The following BRDT variants were observed in gnomAD, a reference collection of about 807,000 sequenced individuals.
BRDT encodes bromodomain testis associated.
BRDT carries 77 observed loss-of-function variants against 113.9 expected under a neutral mutation model. The observed-to-expected ratio is 0.68, with a 90% CI of 0.56 to 0.82. The LOEUF is 0.82. Ranked by LOEUF, BRDT falls within the 40% of genes least tolerant of loss-of-function variation. The probability of loss-of-function intolerance (pLI) is 0.00; values close to 1 mark genes in which losing one functional copy is unlikely to be tolerated. For missense variants in BRDT, 1,027 were observed against 1,105.4 expected (o/e 0.93, Z 1.01); for synonymous variants, 358 against 366.5 (o/e 0.98, Z 0.26).
chr1:92,009,859 CTG>C (rs1248683133), intron 18 of BRDT, among the ~76,000 whole-genome samples: 1 of 152,118 alleles, frequency 6.6e-6, no homozygotes, highest in African/African-American at 2.4e-5. Context: ...GTGTGAGCCA[CTG>C]TGCCTGGCCC....
intron 12 of BRDT, among the ~76,000 whole-genome samples, chr1:91,985,754 TCA>T (rs1200499735): frequency 6.8e-6 from 1 of 147,422 alleles, no homozygotes; most frequent in African/African-American, 2.5e-5. Flanking sequence ...TTCTCCTGCC[TCA>T]GCCTGCCGAG....
intron 1 of BRDT, among the ~76,000 whole-genome samples, chr1:91,959,492 C>G (rs1228243425): frequency 6.8e-6 from 1 of 146,426 alleles, no homozygotes; most frequent in Non-Finnish European, 1.5e-5. Flanking sequence ...CTCCTGAGCT[C>G]TTTTTTGAGA....
chr1:91,988,883 A>G (rs1410350921), intron 12 of BRDT, among the ~76,000 whole-genome samples: 1 of 152,256 alleles, frequency 6.6e-6, no homozygotes, highest in African/African-American at 2.4e-5. Flanking sequence ...CAATTATGTA[A>G]GATTAGAATG....
At position 91,981,072 on chromosome 1, in the gene BRDT, T is replaced by C. The variant is rs1684676023; in HGVS notation, c.1644T>C (p.Asn548=). Reference sequence around the variant, plus strand: ...GAGAGCCTTCTCTGAGCAATTCCAATCCTGATGAGATAGAGATAGACTTTG... The same window carrying C: ...GAGAGCCTTCTCTGAGCAATTCCAACCCTGATGAGATAGAGATAGACTTTG... The part of the protein sequence containing the change: ...QSREPSLSNS[N]PDEIEIDFET... The change falls in exon 10 of 19, where the codon AAT becomes AAC. Residue 548 remains asparagine (N), a synonymous_variant. Transcript: ENST00000399546. 6.2e-7 allele frequency: 1 copy of C among 1,614,018 alleles called. No homozygotes were observed. Among genetic ancestry groups the C allele is most frequent in the East Asian group, 2.2e-5 (1 of 44,846 alleles).
At chr1:91,986,287 CTAAT>C (rs1685233421) in intron 12 of BRDT, among the ~76,000 whole-genome samples, 1 of 151,906 alleles carries the variant, frequency 6.6e-6, no homozygotes, top group Non-Finnish European at 1.5e-5. Context: ...AGCAATATAA[CTAAT>C]AGCTTTAATC....
In BRDT at chr1:91,978,217, A is replaced by T; in HGVS notation, c.1019A>T (p.Asp340Val). The T allele has an allele frequency of 6.2e-7, 1 of 1,614,058 alleles. No individual in the cohort carries two copies. Among genetic ancestry groups the T allele is most frequent in the Non-Finnish European group, 8.5e-7 (1 of 1,179,958 alleles). Residue 340 changes from aspartate (D) to valine (V), a missense_variant, in exon 7 of 19, where the codon GAT becomes GTT. By Grantham distance (152) the Asp-to-Val change is radical. Transcript: ENST00000399546. ...EYKDAYKFAA[D>V]VRLMFMNCYK... is the part of the protein sequence containing the mutation. ...AAGGATGCATACAAATTTGCGGCAG[A>T]TGTTAGATTAATGTTCATGAATTGC...
chr1:91,999,666 T>G (rs1686662724), intron 15 of BRDT, among the ~76,000 whole-genome samples: 1 of 152,134 alleles, frequency 6.6e-6, no homozygotes, highest in Non-Finnish European at 1.5e-5. Flanking sequence ...CATTGATCAT[T>G]TTCTATATAT....
intron 12 of BRDT, among the ~76,000 whole-genome samples, chr1:91,989,465 A>AT (rs1685574098): frequency 1.3e-5 from 2 of 152,050 alleles, no homozygotes; most frequent in Admixed American, 6.5e-5. Flanking sequence ...GGTTCAAGCT[A>AT]TTCTCCCGCC....
At chr1:91,965,255 A>G (rs746003981) in intron 3 of BRDT, among the ~76,000 whole-genome samples, 1 of 151,988 alleles carries the variant, frequency 6.6e-6, no homozygotes, top group Non-Finnish European at 1.5e-5. Context: ...TTTTTCACTG[A>G]ATTTCATAAT....
intron 3 of BRDT, 130 bp downstream of exon 3, chr1:91,964,894 TG>T: frequency 3.9e-6 from 2 of 510,718 alleles, no homozygotes; most frequent in Non-Finnish European, 6.1e-6. Flanking sequence ...TGTGTGTGTG[TG>T]TGTGTGTGTA....
chr1:91,955,034 ACT>A (rs749348054), intron 1 of BRDT, among the ~76,000 whole-genome samples: 44 of 152,076 alleles, frequency 2.9e-4, no homozygotes, highest in Non-Finnish European at 4.9e-4. Flanking sequence ...TATAATGGTA[ACT>A]CTGTACTTTT....
At chr1:91,996,902 A>C (rs888612718) in intron 15 of BRDT, among the ~76,000 whole-genome samples, 46 of 152,354 alleles carry the variant, frequency 3.0e-4, no homozygotes, top group Middle Eastern at 3.4e-3. Context: ...AACAGGAATT[A>C]GAAATTAGGA....
At chr1:91,988,942 TA>T (rs1459491367) in intron 12 of BRDT, among the ~76,000 whole-genome samples, 1 of 152,224 alleles carries the variant, frequency 6.6e-6, no homozygotes, top group Admixed American at 6.5e-5. Context: ...TAGGTGTTTT[TA>T]TTTTTTTAAT....
chr1:91,981,830 G>T (rs543036473), intron 12 of BRDT, 75 bp downstream of exon 12: 222 of 1,450,174 alleles, frequency 1.5e-4, no homozygotes, highest in South Asian at 2.1e-4. Context: ...ATATTTTGAA[G>T]AAATATTTGT....
chr1:91,978,313 G>A lies in BRDT; in HGVS notation c.1098+17G>A. On this transcript the variant is annotated intron_variant, in intron 7 of 18. Coordinates refer to ENST00000399546, the MANE Select transcript of BRDT (RefSeq NM_207189.4). ...ATGCTTCAGGTGAGCTGTTACTTGTGCTCTGAAGGTGTTTTTCCTCTGAAC... is the reference window on the plus strand; with the variant it reads ...ATGCTTCAGGTGAGCTGTTACTTGTACTCTGAAGGTGTTTTTCCTCTGAAC... 6.2e-7 allele frequency: 1 copy of A among 1,611,796 alleles called. No individual in the cohort carries two copies. Among genetic ancestry groups the A allele is most frequent in the Non-Finnish European group, 8.5e-7 (1 of 1,179,246 alleles).
intron 15 of BRDT, among the ~76,000 whole-genome samples, chr1:92,000,971 A>G (rs979859368): frequency 1.3e-5 from 2 of 152,232 alleles, no homozygotes; most frequent in African/African-American, 4.8e-5. Context: ...ATGAAATTGC[A>G]TAGTTTGTTC....
rs751647641 is a variant in BRDT, at chr1:91,981,634, A to G, written c.1881A>G (p.Pro627=). ...KRQTKSDKTQ[P]SKAVENVSRL... is the part of the protein sequence containing the mutation. ...GTTTTGTAGCTGATAAAACGCAACC[A>G]TCCAAAGCTGTTGAAAATGTTTCCC... Residue 627 remains proline (P), a synonymous_variant, in exon 12 of 19, where the codon CCA becomes CCG. Transcript: ENST00000399546. 17 of 1,614,016 alleles carry G rather than the reference A, an allele frequency of 1.1e-5. No homozygotes were observed. In the East Asian group the frequency reaches 3.1e-4, roughly 30 times the overall value.
At chr1:91,953,418 G>A (rs571299117) in intron 1 of BRDT, among the ~76,000 whole-genome samples, 24 of 152,268 alleles carry the variant, frequency 1.6e-4, no homozygotes, top group African/African-American at 4.6e-4. Flanking sequence ...TGTGGCTCAC[G>A]CCTGTAATCC....
chr1:91,959,951 C>T (rs552445374), intron 1 of BRDT, among the ~76,000 whole-genome samples: 5 of 152,274 alleles, frequency 3.3e-5, no homozygotes, highest in East Asian at 3.9e-4. Flanking sequence ...GATTCCCAGG[C>T]GCTCTCTCCA....
Sources: gnomAD v4.1 joint callset for allele counts (sites outside exome capture counted in the v4.1 genomes callset) on GRCh38, gnomAD v4.1.1 for gene constraint, MANE v1.5 for transcripts, NCBI Gene and HGNC (gene_info 2026-07-23, HGNC 2026-07-21) for gene names.